ADAMTS17: variants seen among roughly 807,000 people sequenced by gnomAD.
ADAMTS17 encodes the protein ADAM metallopeptidase with thrombospondin type 1 motif 17.
A neutral mutation model predicts 141.5 loss-of-function variants in ADAMTS17; 113 were observed. The ratio of observed to expected loss-of-function variants is 0.80; its 90% CI spans 0.69 to 0.93. The LOEUF (loss-of-function observed/expected upper bound fraction) is 0.93. Ranked by LOEUF, ADAMTS17 falls within the 40% of genes least tolerant of loss-of-function variation. The pLI is 0.00. For missense variants in ADAMTS17, 1,659 were observed against 1,517.9 expected, an observed-to-expected ratio of 1.09 and a Z score of -1.54; for synonymous variants, 768 against 630.6, an observed-to-expected ratio of 1.22 and a Z score of -3.27.
chr15:100,155,425 A>C, intron 8 of ADAMTS17, 105 bp from the exon 9 acceptor site: 7 of 1,480,730 alleles, frequency 4.7e-6, no homozygotes, highest in South Asian at 1.2e-5. Flanking sequence ...TAAAAACAAA[A>C]ACGGACGTAA....
chr15:100,204,722 G>T (rs945471083), intron 7 of ADAMTS17, among the ~76,000 whole-genome samples: 18 of 152,226 alleles, frequency 1.2e-4, no homozygotes, highest in Non-Finnish European at 1.6e-4. Context: ...CCTTGGTGTA[G>T]ACAAAGCCTT....
intron 8 of ADAMTS17, among the ~76,000 whole-genome samples, chr15:100,164,937 T>A (rs552219239): frequency 1.1e-4 from 16 of 152,270 alleles, no homozygotes; most frequent in African/African-American, 3.4e-4. Context: ...ATCTATACCA[T>A]GTGTTGCTCT....
intron 10 of ADAMTS17, among the ~76,000 whole-genome samples, chr15:100,139,858 A>G (rs1325654693): frequency 6.6e-6 from 1 of 152,264 alleles, no homozygotes; most frequent in African/African-American, 2.4e-5. Flanking sequence ...AACGTGAAAT[A>G]GGATCCTGGT....
At chr15:100,267,957 A>T (rs4965620) in intron 4 of ADAMTS17, among the ~76,000 whole-genome samples, 113,788 of 152,202 alleles carry the variant, frequency 0.75, 42,859 homozygotes, top group East Asian at 0.95. Flanking sequence ...AAATACTGTA[A>T]CTTATCCATT....
chr15:100,207,037 C>T (rs765970790), intron 7 of ADAMTS17, among the ~76,000 whole-genome samples: 11 of 152,178 alleles, frequency 7.2e-5, no homozygotes, highest in Non-Finnish European at 1.3e-4. Flanking sequence ...TAAACTGTGT[C>T]CCCCTGAAAT....
In ADAMTS17 at chr15:100,341,035, G is replaced by A; in HGVS notation, c.450+4C>T. 6.6e-7 allele frequency: 1 copy of A among 1,523,110 alleles called. No homozygotes were observed. The highest frequency in any genetic ancestry group is 8.8e-7 in the Non-Finnish European group (1 of 1,140,146). 94.3% of individuals were successfully genotyped at this position (1,523,110 alleles called of 1,614,324 possible). A position where few individuals can be genotyped will look rare whatever the true frequency, so the allele number is the denominator to read the frequency against. ...GGCCGACCCGGAGGTGGCGCGGGCA[G>A]TACCAGGCCGCCGGCGGCGCCGCAG... On this transcript the variant is annotated splice_donor_region_variant and intron_variant, in intron 2 of 21. Coordinates refer to ENST00000268070, the MANE Select transcript of ADAMTS17 (RefSeq NM_139057.4).
chr15:100,243,012 C>T lies in ADAMTS17; in HGVS notation c.1075+11124G>A, dbSNP rs536684505. 4.1e-4 allele frequency among the ~76,000 whole-genome samples: 62 copies of T among 152,328 alleles called. 1 individual carries two copies. Among genetic ancestry groups the T allele is most frequent in the African/African-American group, 1.5e-3 (62 of 41,576 alleles). On this transcript the variant is annotated intron_variant, in intron 7 of 21. Coordinates refer to ENST00000268070, the MANE Select transcript of ADAMTS17 (RefSeq NM_139057.4). The stretch of plus-strand genomic sequence containing the variant: ...CGCGTTCCTCAGCTCCTGGCAACTG[C>T]CATCCTGCTTTCTGTCTCCATGAAT...
At chr15:100,309,936 C>T (rs759481202) in intron 3 of ADAMTS17, among the ~76,000 whole-genome samples, 1 of 152,170 alleles carries the variant, frequency 6.6e-6, no homozygotes, top group African/African-American at 2.4e-5. Flanking sequence ...CAGGGAAAGG[C>T]GTCAGGGATA....
intron 8 of ADAMTS17, among the ~76,000 whole-genome samples, chr15:100,156,433 T>C (rs763833948): frequency 2.4e-4 from 37 of 152,160 alleles, no homozygotes; most frequent in Admixed American, 7.9e-4. Context: ...AAGTCACCCA[T>C]GTCCTTTGGA....
chr15:100,197,063 G>T (rs1195562124), intron 8 of ADAMTS17, among the ~76,000 whole-genome samples: 1 of 152,226 alleles, frequency 6.6e-6, no homozygotes, highest in African/African-American at 2.4e-5. Flanking sequence ...AAGTGTGTTT[G>T]AATCTAACCA....
intron 4 of ADAMTS17, among the ~76,000 whole-genome samples, chr15:100,270,030 A>G (rs8039762): frequency 0.55 from 84,191 of 152,106 alleles, 24,196 homozygotes; most frequent in East Asian, 0.91. Flanking sequence ...ACCACTTTGC[A>G]TGACGCCAGT....
chr15:100,069,233 T>C (rs1037670325), intron 15 of ADAMTS17, among the ~76,000 whole-genome samples: 5 of 152,266 alleles, frequency 3.3e-5, no homozygotes, highest in African/African-American at 1.2e-4. Context: ...CCAAGAAATA[T>C]GGGACTATGT....
At chr15:100,257,120 T>G (rs1332062059) in intron 6 of ADAMTS17, 1 of 152,210 alleles carries the variant, frequency 6.6e-6, no homozygotes, top group Non-Finnish European at 1.5e-5. Context: ...ATTCTCACGT[T>G]GGCCCGTCCT....
At chr15:100,096,059 G>A (rs2035737607) in intron 15 of ADAMTS17, among the ~76,000 whole-genome samples, 1 of 152,350 alleles carries the variant, frequency 6.6e-6, no homozygotes, top group African/African-American at 2.4e-5. Context: ...ATCAGAAGGC[G>A]AGATGCCAGG....
intron 20 of ADAMTS17, among the ~76,000 whole-genome samples, chr15:99,986,184 C>A (rs1206626112): frequency 1.3e-5 from 2 of 152,246 alleles, no homozygotes; most frequent in African/African-American, 2.4e-5. Flanking sequence ...CCCACCAAAG[C>A]AAGTGCAGGC....
At chr15:100,209,113 C>CAAAAA (rs60742726) in intron 7 of ADAMTS17, among the ~76,000 whole-genome samples, 3,385 of 96,778 alleles carry the variant, frequency 0.035, 130 homozygotes, top group Non-Finnish European at 0.048. Context: ...GCCAAGTTAG[C>CAAAAA]AAAAAAAAAA....
chr15:100,230,131 G>C (rs956058543), intron 7 of ADAMTS17, among the ~76,000 whole-genome samples: 1 of 152,222 alleles, frequency 6.6e-6, no homozygotes, highest in Non-Finnish European at 1.5e-5. Flanking sequence ...TATTAACTGA[G>C]AAGACAACTC....
At chr15:100,325,771 G>A (rs749954151) in intron 3 of ADAMTS17, among the ~76,000 whole-genome samples, 1 of 152,158 alleles carries the variant, frequency 6.6e-6, no homozygotes, top group Non-Finnish European at 1.5e-5. Flanking sequence ...TGTAGACGCT[G>A]CAGAACTCTG....
chr15:100,088,527 G>C (rs553253448), intron 15 of ADAMTS17, among the ~76,000 whole-genome samples: 2 of 151,894 alleles, frequency 1.3e-5, no homozygotes, highest in African/African-American at 4.8e-5. Context: ...AGCCCGCATC[G>C]CCAAGTCAAT....
Sources: gnomAD v4.1 joint callset for allele counts (sites outside exome capture counted in the v4.1 genomes callset) on GRCh38, gnomAD v4.1.1 for gene constraint, MANE v1.5 for transcripts, NCBI Gene and HGNC (gene_info 2026-07-23, HGNC 2026-07-21) for gene names.